Variants in RPS6KA2 observed in about 807,000 individuals in gnomAD.
The protein encoded by RPS6KA2 is ribosomal protein S6 kinase A2.
RPS6KA2 carries 42 observed loss-of-function variants against 91.8 expected under a neutral mutation model. The ratio of observed to expected loss-of-function variants is 0.46; its 90% CI spans 0.36 to 0.59. The LOEUF is 0.59. RPS6KA2 is among the 20% of genes least tolerant of loss of function. RPS6KA2 has a pLI of 0.00. For synonymous variants in RPS6KA2, 414 were observed against 393.6 expected, an observed-to-expected ratio of 1.05 and a Z score of -0.61; for missense variants, 798 against 978.5, an observed-to-expected ratio of 0.82 and a Z score of 2.46.
intron 14 of RPS6KA2, among the ~76,000 whole-genome samples, chr6:166,436,104 T>A (rs1779291925): frequency 6.6e-6 from 1 of 152,134 alleles, no homozygotes; most frequent in South Asian, 2.1e-4. Flanking sequence ...AGAAAGCACT[T>A]GGTACAAGTG....
At chr6:166,658,538 C>G (rs1478656618) in intron 2 of RPS6KA2, among the ~76,000 whole-genome samples, 1 of 152,156 alleles carries the variant, frequency 6.6e-6, no homozygotes. Flanking sequence ...CACTTCAAAA[C>G]CACGCACTGA....
At chr6:166,706,773 T>C (rs558680292) in intron 2 of RPS6KA2, among the ~76,000 whole-genome samples, 1 of 152,316 alleles carries the variant, frequency 6.6e-6, no homozygotes, top group South Asian at 2.1e-4. Flanking sequence ...AGCCTGTTAC[T>C]GTGTATCTTA....
intron 2 of RPS6KA2, among the ~76,000 whole-genome samples, chr6:166,775,687 G>A (rs1033063353): frequency 6.6e-6 from 1 of 152,220 alleles, no homozygotes; most frequent in Admixed American, 6.5e-5. Flanking sequence ...CCAAGAAACC[G>A]TCTCTTTCAG....
At chr6:166,428,194 G>A (rs1778994637) in intron 16 of RPS6KA2, among the ~76,000 whole-genome samples, 1 of 151,830 alleles carries the variant, frequency 6.6e-6, no homozygotes, top group Non-Finnish European at 1.5e-5. Flanking sequence ...AGAAAAACAA[G>A]CAATGGGGAA....
intron 13 of RPS6KA2, among the ~76,000 whole-genome samples, chr6:166,449,803 G>A (rs113936816): frequency 0.021 from 2,396 of 111,574 alleles, 67 homozygotes; most frequent in African/African-American, 0.07. Context: ...AGCCACCACG[G>A]GGACCACCAT....
chr6:166,647,692 T>C (rs1233330825), intron 2 of RPS6KA2, among the ~76,000 whole-genome samples: 1 of 152,180 alleles, frequency 6.6e-6, no homozygotes, highest in African/African-American at 2.4e-5. Flanking sequence ...CTCTCATCCT[T>C]TGAAACTTTT....
intron 1 of RPS6KA2, among the ~76,000 whole-genome samples, chr6:166,550,685 T>C (rs1186540353): frequency 1.3e-5 from 2 of 152,094 alleles, no homozygotes. Context: ...TACTGGAAAC[T>C]GACAAACAAA....
At chr6:166,602,900 G>A (rs1785801599) in intron 1 of RPS6KA2, among the ~76,000 whole-genome samples, 1 of 152,128 alleles carries the variant, frequency 6.6e-6, no homozygotes, top group African/African-American at 2.4e-5. Flanking sequence ...AATTTGAAAA[G>A]GGCTCAAGTC....
chr6:166,771,389 A>G (rs751403514), intron 2 of RPS6KA2, among the ~76,000 whole-genome samples: 46 of 152,248 alleles, frequency 3.0e-4, no homozygotes, highest in African/African-American at 5.5e-4. Context: ...TAAAATTCCA[A>G]TCGTGCTTGG....
chr6:166,468,207 G>A (rs955828658), intron 11 of RPS6KA2, among the ~76,000 whole-genome samples: 21 of 152,220 alleles, frequency 1.4e-4, no homozygotes, highest in African/African-American at 4.8e-4. Flanking sequence ...CTTCTGATAA[G>A]CCTAAATTTT....
intron 2 of RPS6KA2, among the ~76,000 whole-genome samples, chr6:166,722,488 C>G (rs1327954043): frequency 6.6e-6 from 1 of 152,226 alleles, no homozygotes; most frequent in Non-Finnish European, 1.5e-5. Context: ...ATCACCGTGG[C>G]CCACGCCACG....
chr6:166,755,966 AT>A (rs893611536), intron 2 of RPS6KA2, among the ~76,000 whole-genome samples: 13 of 152,200 alleles, frequency 8.5e-5, no homozygotes, highest in African/African-American at 2.9e-4. Flanking sequence ...AACAACTTTC[AT>A]TCACATTATA....
chr6:166,668,622 G>A (rs1788385989), intron 2 of RPS6KA2, among the ~76,000 whole-genome samples: 1 of 152,140 alleles, frequency 6.6e-6, no homozygotes, highest in South Asian at 2.1e-4. Flanking sequence ...GTGGTGTCGT[G>A]ACAACCTGGG....
At chr6:166,748,613 T>TCCTCAGGCCCCCATCTCCTC (rs1562416301) in intron 2 of RPS6KA2, among the ~76,000 whole-genome samples, 1 of 18,658 alleles carries the variant, frequency 5.4e-5, no homozygotes, top group African/African-American at 2.5e-4. Context: ...CCCATTTCCC[T>TCCTCAGGCCCCCATCTCCTC]GGGCCCCCAC....
At position 166,821,867 on chromosome 6, in the gene RPS6KA2, C is replaced by T. The variant is rs949262543; in HGVS notation, c.123+36333G>A. ...TTGTGTTGGATTCCCCACTCAGACA[C>T]GCTCTTCTCTCCTTCTTCCCCTTCT... On this transcript the variant is annotated intron_variant, in intron 2 of 21. Transcript: ENST00000503859. This position sits in a 1 kb window ranked among gnomAD's most constrained non-coding sequence, Gnocchi z 4.1. Among the ~76,000 whole-genome samples, 8 of 152,158 alleles carry T rather than the reference C, an allele frequency of 5.3e-5. No homozygotes were observed. Among genetic ancestry groups the T allele is most frequent in the Non-Finnish European group, 8.8e-5 (6 of 68,032 alleles).
At chr6:166,536,216 C>A (rs1466757071) in intron 2 of RPS6KA2, among the ~76,000 whole-genome samples, 1 of 152,262 alleles carries the variant, frequency 6.6e-6, no homozygotes, top group Non-Finnish European at 1.5e-5. Context: ...TCCCGGGACA[C>A]TGCGTCCAGA....
chr6:166,702,866 TTAA>T (rs1789566944), intron 2 of RPS6KA2: 1 of 936,272 alleles, frequency 1.1e-6, no homozygotes, highest in African/African-American at 1.7e-5. Context: ...TTAAAAAAAA[TTAA>T]TGAGAAAAAC....
chr6:166,455,699 G>A (rs368279538), intron 12 of RPS6KA2, among the ~76,000 whole-genome samples: 1 of 152,214 alleles, frequency 6.6e-6, no homozygotes, highest in African/African-American at 2.4e-5. Flanking sequence ...TCTGCTTCGC[G>A]GCACACGGAG....
chr6:166,515,503 T>C (rs915732750), intron 3 of RPS6KA2, among the ~76,000 whole-genome samples: 2 of 152,204 alleles, frequency 1.3e-5, no homozygotes, highest in African/African-American at 4.8e-5. Context: ...CTTGTTTTAT[T>C]AACCATGACT....
Sources: gnomAD v4.1 joint callset for allele counts (sites outside exome capture counted in the v4.1 genomes callset) on GRCh38, gnomAD v4.1.1 for gene constraint, Gnocchi (gnomAD v3.1) non-coding constraint, MANE v1.5 for transcripts, NCBI Gene and HGNC (gene_info 2026-07-23, HGNC 2026-07-21) for gene names.